The following MICAL3 variants were observed in gnomAD, a reference collection of about 807,000 sequenced individuals.
MICAL3 encodes microtubule associated monooxygenase, calponin and LIM domain containing 3.
A neutral mutation model predicts 207.4 loss-of-function variants in MICAL3; 62 were observed. The ratio of observed to expected loss-of-function variants is 0.30; its 90% CI spans 0.24 to 0.37. The LOEUF is 0.37. MICAL3 is among the 10% of genes least tolerant of loss of function. The pLI is 1.00. For missense variants in MICAL3, 2,368 were observed against 2,635.6 expected, an observed-to-expected ratio of 0.90 and a Z score of 2.22; for synonymous variants, 1,077 against 1,069.3, an observed-to-expected ratio of 1.01 and a Z score of -0.14.
chr22:17,974,998 C>T (rs1249701274), intron 1 of MICAL3, among the ~76,000 whole-genome samples: 1 of 152,200 alleles, frequency 6.6e-6, no homozygotes, highest in African/African-American at 2.4e-5. Context: ...TCTGGAGCCC[C>T]AGCATGGACC....
At chr22:17,966,984 G>A (rs1021547232) in intron 1 of MICAL3, among the ~76,000 whole-genome samples, 1 of 152,306 alleles carries the variant, frequency 6.6e-6, no homozygotes, top group South Asian at 2.1e-4. Context: ...AGGATCCAAG[G>A]ACTAAGTCAA....
At chr22:17,864,826 C>T (rs1926901930) in intron 19 of MICAL3, 73 bp downstream of exon 19, 1 of 1,613,948 alleles carries the variant, frequency 6.2e-7, no homozygotes, top group South Asian at 1.1e-5. Context: ...GAGGTGCTGG[C>T]TCATGCCCTT....
chr22:17,896,680 T>G, intron 8 of MICAL3, 44 bp downstream of exon 8: 3 of 1,592,170 alleles, frequency 1.9e-6, no homozygotes, highest in Non-Finnish European at 1.7e-6. Context: ...CACTCCTAAT[T>G]ATTCCTGCCC....
chr22:17,935,702 G>A (rs566666494), intron 1 of MICAL3, among the ~76,000 whole-genome samples: 84 of 152,210 alleles, frequency 5.5e-4, no homozygotes, highest in African/African-American at 1.9e-3. Flanking sequence ...CTAATATCCA[G>A]AATTTACAAA....
intron 20 of MICAL3, among the ~76,000 whole-genome samples, chr22:17,835,640 G>C (rs1923282254): frequency 6.6e-6 from 1 of 152,230 alleles, no homozygotes; most frequent in South Asian, 2.1e-4. Context: ...AGAAACAGAT[G>C]CAACACAGAC....
intron 1 of MICAL3, among the ~76,000 whole-genome samples, chr22:17,957,784 AACTT>A (rs1312555528): frequency 6.6e-6 from 1 of 151,806 alleles, no homozygotes; most frequent in Admixed American, 6.6e-5. Flanking sequence ...GAAAGAAAGA[AACTT>A]TCTTTCTTTA....
At chr22:17,908,013 G>A (rs898491345) in intron 1 of MICAL3, among the ~76,000 whole-genome samples, 6 of 152,132 alleles carry the variant, frequency 3.9e-5, no homozygotes, top group African/African-American at 1.2e-4. Context: ...ATGGCACCGC[G>A]TGTACTCCTG....
chr22:17,981,882 C>T (rs546631230), intron 1 of MICAL3, among the ~76,000 whole-genome samples: 68 of 152,188 alleles, frequency 4.5e-4, no homozygotes, highest in African/African-American at 1.6e-3. Flanking sequence ...GTACAAGGAT[C>T]GCTTGAGCCC....
intron 11 of MICAL3, among the ~76,000 whole-genome samples, chr22:17,892,600 G>C (rs148940315): frequency 3.3e-5 from 5 of 152,180 alleles, no homozygotes; most frequent in African/African-American, 1.2e-4. Flanking sequence ...CTTTTACTCA[G>C]ATCTGTCTCC....
chr22:17,792,387 T>A (rs1318517568), intron 29 of MICAL3, among the ~76,000 whole-genome samples: 1 of 152,216 alleles, frequency 6.6e-6, no homozygotes, highest in African/African-American at 2.4e-5. Flanking sequence ...CTGGGGTCCA[T>A]CCATGGGCCT....
At chr22:17,876,991 GGGAGGTGAGGGAGGTTATGGAGGTTAT>G (rs1928597853) in intron 16 of MICAL3, 2 of 25,926 alleles carry the variant, frequency 7.7e-5, no homozygotes, top group Admixed American at 5.5e-4. Context: ...AGGGAGGTTA[GGGAGGTGAGGGAGGTTATGGAGGTTAT>G]GGAGGTTATG....
In MICAL3 at chr22:17,900,748, A is replaced by G. The variant is rs2146256512; in HGVS notation, c.847+94T>C. 13 of 1,081,544 alleles carry G rather than the reference A, an allele frequency of 1.2e-5. No homozygotes were observed. In the South Asian group the frequency reaches 1.3e-4, roughly 11 times the overall value. 67.0% of individuals were successfully genotyped at this position (1,081,544 alleles called of 1,614,324 possible). A position where few individuals can be genotyped will look rare whatever the true frequency, so the allele number is the denominator to read the frequency against. ...GAGGGGCAGACAGTGCAGGAGGGACACCGACGGCCACTCACCCCACCAATC... is the reference window on the plus strand; with the variant it reads ...GAGGGGCAGACAGTGCAGGAGGGACGCCGACGGCCACTCACCCCACCAATC... On this transcript the variant is annotated intron_variant, in intron 6 of 31. Coordinates refer to ENST00000441493, the MANE Select transcript of MICAL3 (RefSeq NM_015241.3). This position sits in a 1 kb window ranked among gnomAD's most constrained non-coding sequence, Gnocchi z 4.0.
chr22:17,852,767 G>C (rs910925545), intron 19 of MICAL3, among the ~76,000 whole-genome samples: 1 of 152,172 alleles, frequency 6.6e-6, no homozygotes, highest in Non-Finnish European at 1.5e-5. Context: ...TTTCAGGTTA[G>C]GAGTTGAAAA....
At chr22:17,919,222 G>A (rs1215497376) in intron 1 of MICAL3, among the ~76,000 whole-genome samples, 1 of 152,068 alleles carries the variant, frequency 6.6e-6, no homozygotes, top group Non-Finnish European at 1.5e-5. Context: ...ACACCACCAA[G>A]CATAGCTAAT....
At chr22:17,835,093 G>A (rs1923224473) in intron 20 of MICAL3, among the ~76,000 whole-genome samples, 1 of 152,228 alleles carries the variant, frequency 6.6e-6, no homozygotes, top group South Asian at 2.1e-4. Flanking sequence ...CACAATGTGG[G>A]CACTGAATAG....
chr22:17,963,947 G>C (rs556313337), intron 1 of MICAL3, among the ~76,000 whole-genome samples: 2 of 152,284 alleles, frequency 1.3e-5, no homozygotes, highest in South Asian at 4.1e-4. Context: ...ATAATACACA[G>C]TACAATCTGA....
intron 17 of MICAL3, 130 bp from the exon 18 acceptor site, chr22:17,866,142 T>C (rs540255445): frequency 2.5e-4 from 178 of 699,516 alleles, no homozygotes; most frequent in African/African-American, 2.5e-3. Context: ...CAGCCTTCCC[T>C]GGGCCCAGCT....
At chr22:17,970,492 C>T (rs1474811245) in intron 1 of MICAL3, among the ~76,000 whole-genome samples, 1 of 152,182 alleles carries the variant, frequency 6.6e-6, no homozygotes, top group African/African-American at 2.4e-5. Flanking sequence ...CGGCTGTGAC[C>T]GACTCACTAT....
chr22:18,016,184 T>C (rs1449137501), intron 1 of MICAL3, among the ~76,000 whole-genome samples: 1 of 152,222 alleles, frequency 6.6e-6, no homozygotes, highest in Non-Finnish European at 1.5e-5. Flanking sequence ...AGCATTATGT[T>C]GCGGTTTTGA....
Sources: gnomAD v4.1 joint callset for allele counts (sites outside exome capture counted in the v4.1 genomes callset) on GRCh38, gnomAD v4.1.1 for gene constraint, Gnocchi (gnomAD v3.1) non-coding constraint, MANE v1.5 for transcripts, NCBI Gene and HGNC (gene_info 2026-07-23, HGNC 2026-07-21) for gene names.